Variants in PLXNA4 observed in about 807,000 individuals in gnomAD.
PLXNA4 encodes plexin A4, also known as plexin-A4.
A neutral mutation model predicts 191.8 loss-of-function variants in PLXNA4; 44 were observed. The ratio of observed to expected loss-of-function variants is 0.23; its 90% CI spans 0.18 to 0.29. The LOEUF (loss-of-function observed/expected upper bound fraction) is 0.29. Ranked by LOEUF, PLXNA4 falls within the 10% of genes least tolerant of loss-of-function variation. PLXNA4 has a pLI of 1.00. For missense variants in PLXNA4, 1,800 were observed against 2,488.8 expected (o/e 0.72, Z 5.89); for synonymous variants, 1,082 against 1,009.5 (o/e 1.07, Z -1.36).
chr7:132,159,009 C>G (rs1795873384), intron 25 of PLXNA4, among the ~76,000 whole-genome samples: 1 of 152,194 alleles, frequency 6.6e-6, no homozygotes, highest in Admixed American at 6.5e-5. Context: ...CCAGATCCCT[C>G]AAGCTGTAGG....
At chr7:132,542,398 A>G (rs1229307916) in intron 1 of PLXNA4, among the ~76,000 whole-genome samples, 1 of 152,228 alleles carries the variant, frequency 6.6e-6, no homozygotes, top group Non-Finnish European at 1.5e-5. Flanking sequence ...TACAGATGCA[A>G]GAAAATTAAA....
chr7:132,148,046 C>T (rs756543495), intron 26 of PLXNA4, 47 bp from the exon 27 acceptor site: 1 of 1,613,610 alleles, frequency 6.2e-7, no homozygotes. Context: ...AGCTCTGCCA[C>T]TCCAGGAAAT....
rs921956302 is a variant in PLXNA4, at chr7:132,125,736, G to GC, written c.*4742_*4743insG. 68 of 152,292 alleles carry GC rather than the reference G, an allele frequency of 4.5e-4. No homozygotes were observed. Among genetic ancestry groups the GC allele is most frequent in the African/African-American group, 1.6e-3 (66 of 41,534 alleles). The allele number at this position is 152,292 out of a possible 1,614,324, so 9.4% of individuals were successfully genotyped here. A position where few individuals can be genotyped will look rare whatever the true frequency, so the allele number is the denominator to read the frequency against. On this transcript the variant is annotated 3_prime_UTR_variant, in exon 32 of 32. Coordinates refer to ENST00000321063, the MANE Select transcript of PLXNA4 (RefSeq NM_020911.2). ...CGAGGACCAGGAGGGATGGCGGGGG[G>GC]GGATTTGGGGCATGGGGAGAAGCCA...
At chr7:132,522,751 G>A (rs1400111689) in intron 1 of PLXNA4, among the ~76,000 whole-genome samples, 2 of 152,170 alleles carry the variant, frequency 1.3e-5, no homozygotes, top group African/African-American at 2.4e-5. Context: ...CAGCCTGGGT[G>A]GCAGAGGAAG....
chr7:132,596,761 G>GTGACAACTTTCA lies in PLXNA4; in HGVS notation c.-87+49155_-87+49166dup, dbSNP rs142140120. 2.4e-3 allele frequency among the ~76,000 whole-genome samples: 368 copies of GTGACAACTTTCA among 151,720 alleles called. 3 individuals carry two copies. Among genetic ancestry groups the GTGACAACTTTCA allele is most frequent in the African/African-American group, 8.8e-3 (362 of 41,364 alleles). On this transcript the variant is annotated intron_variant, in intron 2 of 4. Coordinates refer to the PLXNA4 transcript ENST00000378539. ...AGAAATACCATTAAGAAGGAAGGCTGTGACAACTTTCATTACTTTTTGATG... is the reference window on the plus strand; with the variant it reads ...AGAAATACCATTAAGAAGGAAGGCTGTGACAACTTTCATGACAACTTTCATTACTTTTTGATG...
intron 3 of PLXNA4, among the ~76,000 whole-genome samples, chr7:132,303,290 G>T (rs1360637213): frequency 2.0e-5 from 3 of 148,558 alleles, no homozygotes; most frequent in Non-Finnish European, 4.4e-5. Flanking sequence ...AAAGAAATTG[G>T]CCGGGTGCTG....
chr7:132,251,938 T>A (rs1251327739), intron 4 of PLXNA4, among the ~76,000 whole-genome samples: 1 of 152,182 alleles, frequency 6.6e-6, no homozygotes, highest in African/African-American at 2.4e-5. Context: ...AAACTGATAT[T>A]CCTGAAGGAG....
At chr7:132,135,125 C>T (rs1795075331) in intron 30 of PLXNA4, among the ~76,000 whole-genome samples, 1 of 152,152 alleles carries the variant, frequency 6.6e-6, no homozygotes, top group Admixed American at 6.5e-5. Context: ...TCATTGTCCC[C>T]TTAGGGATCC....
At chr7:132,558,452 A>T (rs1013297774) in intron 1 of PLXNA4, among the ~76,000 whole-genome samples, 7 of 152,254 alleles carry the variant, frequency 4.6e-5, no homozygotes, top group Non-Finnish European at 1.0e-4. Flanking sequence ...GATGTAAATA[A>T]AATACCATTT....
At position 132,432,269 on chromosome 7, in the gene PLXNA4, A is replaced by G. The variant is rs370554926; in HGVS notation, c.1371+57023T>C. ...TAGTCCTCTCTGCAACTCCCTTCGAATCCCGTTTATGAGTGACCAGTCTCC... is the reference window on the plus strand; with the variant it reads ...TAGTCCTCTCTGCAACTCCCTTCGAGTCCCGTTTATGAGTGACCAGTCTCC... On this transcript the variant is annotated intron_variant, in intron 3 of 31. Transcript: ENST00000321063. Among the ~76,000 whole-genome samples, 172 of 152,216 alleles carry G rather than the reference A, an allele frequency of 1.1e-3. 1 individual carries two copies. Among genetic ancestry groups the G allele is most frequent in the Middle Eastern group, 6.8e-3 (2 of 294 alleles).
At chr7:132,514,075 A>G (rs1352100278) in intron 1 of PLXNA4, among the ~76,000 whole-genome samples, 2 of 149,668 alleles carry the variant, frequency 1.3e-5, no homozygotes, top group Non-Finnish European at 3.0e-5. Context: ...TTTTTGAGAC[A>G]GAGTCTCACT....
chr7:132,495,418 T>A (rs929204832), intron 2 of PLXNA4, among the ~76,000 whole-genome samples: 3 of 152,150 alleles, frequency 2.0e-5, no homozygotes, highest in Non-Finnish European at 4.4e-5. Context: ...ATCCACTGTT[T>A]ACAAACATCC....
At chr7:132,514,612 G>T (rs999235785) in intron 1 of PLXNA4, among the ~76,000 whole-genome samples, 1 of 152,068 alleles carries the variant, frequency 6.6e-6, no homozygotes, top group South Asian at 2.1e-4. Flanking sequence ...TCAGTTGAAG[G>T]TCATGAATAG....
chr7:132,254,069 C>T (rs1416530560), intron 4 of PLXNA4, among the ~76,000 whole-genome samples: 4 of 152,082 alleles, frequency 2.6e-5, no homozygotes, highest in Admixed American at 6.5e-5. Flanking sequence ...ATAAATTGAT[C>T]TCTATTGTCC....
intron 5 of PLXNA4, among the ~76,000 whole-genome samples, chr7:132,237,375 G>A (rs1223519637): frequency 6.6e-6 from 1 of 152,158 alleles, no homozygotes; most frequent in Non-Finnish European, 1.5e-5. Context: ...GAGTTTAAGA[G>A]GGTATTTTTA....
intron 3 of PLXNA4, among the ~76,000 whole-genome samples, chr7:132,463,114 G>A (rs1563113495): frequency 6.6e-6 from 1 of 152,064 alleles, no homozygotes; most frequent in Non-Finnish European, 1.5e-5. Context: ...GCCTCTCAAA[G>A]TGCTAGGATT....
At chr7:132,243,805 C>T (rs1798959675) in intron 4 of PLXNA4, among the ~76,000 whole-genome samples, 1 of 152,060 alleles carries the variant, frequency 6.6e-6, no homozygotes, top group Non-Finnish European at 1.5e-5. Context: ...CCTCCTTGTA[C>T]TGTCACTTAC....
Position 132,380,650 on chromosome 7 carries a change from A to G in PLXNA4, c.1372-82428T>C, listed in dbSNP as rs547249420. On this transcript the variant is annotated intron_variant, in intron 3 of 31. Coordinates refer to ENST00000321063, the MANE Select transcript of PLXNA4 (RefSeq NM_020911.2). Reference sequence around the variant, plus strand: ...GGCAGAAAAAGAGACAGGACGATTTAAAGTATCAGGAGCAGGGCCTCACGG... The same window carrying G: ...GGCAGAAAAAGAGACAGGACGATTTGAAGTATCAGGAGCAGGGCCTCACGG... 1.7e-4 allele frequency among the ~76,000 whole-genome samples: 26 copies of G among 152,310 alleles called. No individual in the cohort carries two copies. In the South Asian group the frequency reaches 4.6e-3, roughly 27 times the overall value.
In PLXNA4 at chr7:132,489,275, C is replaced by T. The variant is rs1244760829; in HGVS notation, c.1371+17G>A. 2 of 1,572,682 alleles carry T rather than the reference C, an allele frequency of 1.3e-6. No individual in the cohort carries two copies. The highest frequency in any genetic ancestry group is 1.7e-5 in the Admixed American group (1 of 59,378). ...ACTGTCTTCACAGTAACCAAAAGTA[C>T]TGCACCTCATTCCTACCTTCTTCAG... On this transcript the variant is annotated intron_variant, in intron 3 of 31. Transcript: ENST00000321063.
Sources: allele counts gnomAD v4.1 joint callset (sites outside exome capture counted in the v4.1 genomes callset), GRCh38; gene constraint gnomAD v4.1.1; transcripts MANE v1.5; gene names NCBI Gene and HGNC (gene_info 2026-07-23, HGNC 2026-07-21).